The following TTC1 variants were observed in gnomAD, a reference collection of about 807,000 sequenced individuals.
The protein encoded by TTC1 is tetratricopeptide repeat protein 1.
In TTC1, 31 loss-of-function variants were observed where a neutral mutation model predicts 37.6. The observed-to-expected ratio is 0.82, with a 90% CI of 0.62 to 1.11. TTC1 has a LOEUF of 1.11. Among genes scored for constraint, TTC1 ranks in the 50% most tolerant of loss-of-function variants. The pLI, the probability that TTC1 is intolerant of heterozygous loss-of-function variation, is 0.00. For synonymous variants in TTC1, 127 were observed against 122.4 expected (o/e 1.04, Z -0.25); for missense variants, 351 against 339.0 (o/e 1.04, Z -0.28).
At chr5:160,042,907 C>T (rs1011774145) in intron 4 of TTC1, among the ~76,000 whole-genome samples, 3 of 152,164 alleles carry the variant, frequency 2.0e-5, no homozygotes, top group Admixed American at 6.5e-5. Flanking sequence ...CAGAAAAAAG[C>T]GACTTGAATA....
intron 2 of TTC1, among the ~76,000 whole-genome samples, chr5:160,024,679 T>C (rs1298127445): frequency 4.7e-5 from 7 of 150,254 alleles, no homozygotes; most frequent in Non-Finnish European, 1.0e-4. Context: ...TTTTTTTTTT[T>C]CAGGATATGG....
intron 6 of TTC1, among the ~76,000 whole-genome samples, chr5:160,050,079 T>C (rs1297982796): frequency 6.7e-6 from 1 of 149,332 alleles, no homozygotes; most frequent in Non-Finnish European, 1.5e-5. Flanking sequence ...AGCCCAGGAG[T>C]TGGAGGCTGC....
At chr5:160,058,374 C>T (rs1313879141) in intron 7 of TTC1, among the ~76,000 whole-genome samples, 2 of 152,026 alleles carry the variant, frequency 1.3e-5, no homozygotes, top group Non-Finnish European at 2.9e-5. Context: ...GGTATTTTGA[C>T]CATCTCAGCA....
At chr5:160,052,628 G>A (rs988703549) in intron 7 of TTC1, among the ~76,000 whole-genome samples, 1 of 147,660 alleles carries the variant, frequency 6.8e-6, no homozygotes, top group Non-Finnish European at 1.5e-5. Flanking sequence ...CTTGTGAATG[G>A]CCATAGTGGA....
chr5:160,055,709 A>G (rs1757528263), intron 7 of TTC1, among the ~76,000 whole-genome samples: 1 of 152,238 alleles, frequency 6.6e-6, no homozygotes, highest in African/African-American at 2.4e-5. Flanking sequence ...GAGACGGAGT[A>G]TAGAGGCAGC....
rs757531820 is a variant in TTC1 at position 160,010,672 on chromosome 5, T to C, written c.144T>C (p.Asp48=). The C allele has an allele frequency of 6.2e-7, 1 of 1,613,746 alleles. No homozygotes were observed. ...ATTCCCAGAGTAAGCTGCTCAGGGA[T>C]GATGAGGCCCATCTCCAGGAGGACC... ...NQHSQSKLLR[D]DEAHLQEDQG... Residue 48 remains aspartate (D), a synonymous_variant, in exon 2 of 8, where the codon GAT becomes GAC. Coordinates refer to ENST00000231238, the MANE Select transcript of TTC1 (RefSeq NM_003314.3).
chr5:160,036,409 A>C (rs1756999953), intron 3 of TTC1: 1 of 256,664 alleles, frequency 3.9e-6, no homozygotes, highest in East Asian at 7.2e-5. Flanking sequence ...CATTGAGGGA[A>C]TGCCAGGACT....
At chr5:160,047,787 A>C (rs1309718468) in intron 5 of TTC1, among the ~76,000 whole-genome samples, 1 of 152,200 alleles carries the variant, frequency 6.6e-6, no homozygotes, top group African/African-American at 2.4e-5. Flanking sequence ...TTAGCCTTTC[A>C]CATGGCTGGC....
At chr5:160,024,203 C>T in intron 2 of TTC1, among the ~76,000 whole-genome samples, 1 of 152,194 alleles carries the variant, frequency 6.6e-6, no homozygotes. Flanking sequence ...TTACTGGAGA[C>T]TATATTTAGC....
chr5:160,022,535 GTT>G (rs1321140098), intron 2 of TTC1, among the ~76,000 whole-genome samples: 2 of 152,168 alleles, frequency 1.3e-5, no homozygotes, highest in African/African-American at 2.4e-5. Context: ...AGTATTATGA[GTT>G]TTAGCTCATT....
In TTC1 at chr5:160,032,882, T is replaced by G. The variant is rs531416685; in HGVS notation, c.331-2258T>G. Among the ~76,000 whole-genome samples the G allele has an allele frequency of 5.6e-3, 580 of 102,700 alleles. 3 individuals are homozygous for G. The highest frequency in any genetic ancestry group is 0.021 in the African/African-American group (536 of 25,116). The allele number at this position is 102,700 out of a possible 152,430, so 67.4% of individuals were successfully genotyped here. On this transcript the variant is annotated intron_variant, in intron 2 of 7. Coordinates refer to ENST00000231238, the MANE Select transcript of TTC1 (RefSeq NM_003314.3). ...GCGCCTGCCACCACACCCAGCTAATTTTTTTTTTTGGGGGGGTATTTTTAG... is the reference window on the plus strand; with the variant it reads ...GCGCCTGCCACCACACCCAGCTAATGTTTTTTTTTGGGGGGGTATTTTTAG...
At position 160,065,244 on chromosome 5, in the gene TTC1, A is replaced by T. The variant is rs868278434; in HGVS notation, c.*179A>T. 1.8e-5 allele frequency: 16 copies of T among 893,374 alleles called. 1 individual carries two copies. The Middle Eastern group carries it at 1.7e-3, about 95-fold the overall frequency. The allele number at this position is 893,374 out of a possible 1,614,324, so 55.3% of individuals were successfully genotyped here. A position where few individuals can be genotyped will look rare whatever the true frequency, so the allele number is the denominator to read the frequency against. Reference sequence around the variant, plus strand: ...TGATCAGGGTGAAATGTACTTCCTGATGTAATGAACCTAATTTGATTTCCA... The same window carrying T: ...TGATCAGGGTGAAATGTACTTCCTGTTGTAATGAACCTAATTTGATTTCCA... On this transcript the variant is annotated 3_prime_UTR_variant, in exon 8 of 8. Coordinates refer to ENST00000231238, the MANE Select transcript of TTC1 (RefSeq NM_003314.3).
chr5:160,029,422 A>G (rs1756866146), intron 2 of TTC1, among the ~76,000 whole-genome samples: 1 of 148,642 alleles, frequency 6.7e-6, no homozygotes, highest in Non-Finnish European at 1.5e-5. Context: ...TGGGAGGATC[A>G]CTTGAGCCCA....
At chr5:160,030,258 G>T (rs1376937311) in intron 2 of TTC1, among the ~76,000 whole-genome samples, 2 of 152,166 alleles carry the variant, frequency 1.3e-5, no homozygotes. Context: ...TCCATGGAAG[G>T]ACATGGGGGA....
chr5:160,013,695 A>G (rs1252995444), intron 2 of TTC1, among the ~76,000 whole-genome samples: 2 of 151,170 alleles, frequency 1.3e-5, no homozygotes, highest in East Asian at 3.9e-4. Flanking sequence ...GTGAGCTGAG[A>G]TCAGGCCTCT....
intron 2 of TTC1, among the ~76,000 whole-genome samples, chr5:160,034,362 C>G (rs1020967997): frequency 1.3e-5 from 2 of 152,018 alleles, no homozygotes; most frequent in African/African-American, 4.8e-5. Flanking sequence ...GAGTTTTTGG[C>G]CATCTATGTG....
intron 5 of TTC1, among the ~76,000 whole-genome samples, chr5:160,044,913 T>G (rs982081300): frequency 2.6e-5 from 4 of 152,238 alleles, no homozygotes; most frequent in Non-Finnish European, 5.9e-5. Flanking sequence ...CTACTGGCTT[T>G]CTTTTCTTTA....
intron 5 of TTC1, among the ~76,000 whole-genome samples, chr5:160,045,547 C>T (rs1757216024): frequency 6.8e-6 from 1 of 146,518 alleles, no homozygotes; most frequent in Non-Finnish European, 1.5e-5. Flanking sequence ...CTCTCTCTCT[C>T]TCTCTCCCCC....
At chr5:160,045,302 A>C (rs1453818054) in intron 5 of TTC1, among the ~76,000 whole-genome samples, 2 of 152,048 alleles carry the variant, frequency 1.3e-5, no homozygotes, top group Non-Finnish European at 2.9e-5. Flanking sequence ...TTCCAACCAA[A>C]GTGTTTTCCG....
Sources: allele counts gnomAD v4.1 joint callset (sites outside exome capture counted in the v4.1 genomes callset), GRCh38; gene constraint gnomAD v4.1.1; transcripts MANE v1.5; gene names NCBI Gene and HGNC (gene_info 2026-07-23, HGNC 2026-07-21).